NCAPG2: variants seen among roughly 807,000 people sequenced by gnomAD.
NCAPG2 encodes condensin-2 complex subunit G2.
Under a neutral mutation model 141.1 loss-of-function variants are expected in NCAPG2, and 53 were observed. The observed-to-expected ratio is 0.38, with a 90% CI of 0.30 to 0.47. NCAPG2 has a LOEUF of 0.47. Ranked by LOEUF, NCAPG2 falls within the 20% of genes least tolerant of loss-of-function variation. The pLI, the probability that NCAPG2 is intolerant of heterozygous loss-of-function variation, is 0.99. For synonymous variants in NCAPG2, 499 were observed against 490.7 expected, an observed-to-expected ratio of 1.02 and a Z score of -0.22; for missense variants, 1,087 against 1,389.0, an observed-to-expected ratio of 0.78 and a Z score of 3.46.
Position 158,631,730 on chromosome 7 carries a change from T to TA in NCAPG2, c.3381-14dup. 1 of 1,572,876 alleles carries TA rather than the reference T, an allele frequency of 6.4e-7. No homozygotes were observed. Among genetic ancestry groups the TA allele is most frequent in the Non-Finnish European group, 8.7e-7 (1 of 1,146,102 alleles). On this transcript the variant is annotated splice_polypyrimidine_tract_variant and intron_variant, in intron 27 of 27. Transcript: ENST00000356309. ...TTCATAGAGAAATCTGAAACACAAATAAAGAAATATTTAGCTACAGAAAAA... is the reference window on the plus strand; with the variant it reads ...TTCATAGAGAAATCTGAAACACAAATAAAAGAAATATTTAGCTACAGAAAAA...
At chr7:158,677,525 C>CAAAAAA in intron 11 of NCAPG2, among the ~76,000 whole-genome samples, 15 of 90,402 alleles carry the variant, frequency 1.7e-4, no homozygotes, top group Non-Finnish European at 2.4e-4. Flanking sequence ...AAAAATAAAG[C>CAAAAAA]AAAAAAAAAA....
intron 6 of NCAPG2, among the ~76,000 whole-genome samples, 159 bp from the exon 7 acceptor site, chr7:158,687,601 G>A (rs12532034): frequency 0.9 from 137,122 of 152,290 alleles, 61,804 homozygotes; most frequent in Admixed American, 0.94. Flanking sequence ...TGAGCTGTCT[G>A]CGGGGCCTGC....
chr7:158,666,323 G>C (rs573297181), intron 13 of NCAPG2, among the ~76,000 whole-genome samples: 1 of 152,254 alleles, frequency 6.6e-6, no homozygotes, highest in South Asian at 2.1e-4. Flanking sequence ...GGTTACTTCT[G>C]ACAGCGAGGT....
Position 158,631,609 on chromosome 7 carries a change from G to T in NCAPG2, c.*57C>A. ...TTAAAAACAATAGGAAAATACACAG[G>T]CATTTCAATTTGAATCACTTTTCCC... On this transcript the variant is annotated 3_prime_UTR_variant, in exon 28 of 28. Coordinates refer to ENST00000356309, the MANE Select transcript of NCAPG2 (RefSeq NM_017760.7). 7.2e-7 allele frequency: 1 copy of T among 1,380,658 alleles called. No homozygotes were observed. Among genetic ancestry groups the T allele is most frequent in the Non-Finnish European group, 1.0e-6 (1 of 970,680 alleles). The allele number at this position is 1,380,658 out of a possible 1,614,324, so 85.5% of individuals were successfully genotyped here. A position where few individuals can be genotyped will look rare whatever the true frequency, so the allele number is the denominator to read the frequency against.
At chr7:158,687,258 C>A (rs765870890) in intron 7 of NCAPG2, 90 bp downstream of exon 7, 4 of 790,620 alleles carry the variant, frequency 5.1e-6, no homozygotes, top group Non-Finnish European at 8.1e-6. Context: ...AGCTTCTAAT[C>A]CATTACTATA....
At chr7:158,666,379 T>C (rs2129460775) in intron 13 of NCAPG2, among the ~76,000 whole-genome samples, 1 of 152,220 alleles carries the variant, frequency 6.6e-6, no homozygotes, top group Middle Eastern at 3.4e-3. Context: ...GTGACAGTGC[T>C]GTTGGCAACC....
intron 27 of NCAPG2, among the ~76,000 whole-genome samples, chr7:158,639,473 A>G (rs897464813): frequency 5.3e-5 from 8 of 152,334 alleles, no homozygotes; most frequent in East Asian, 1.9e-4. Context: ...TTCCATATGT[A>G]TATCTCAATG....
In NCAPG2 at chr7:158,671,666, A is replaced by C. The variant is rs980387961; in HGVS notation, c.1327T>G (p.Cys443Gly). ...SADVRCSVFK[C>G]LPMILDNKLS... ...TTGTTGTCCAAAATCATTGGCAGAC[A>C]CTGCAACAGAGAGAAAGATAAACAA... is the stretch of plus-strand genomic sequence containing the variant. The change falls in exon 13 of 28, where the codon TGT becomes GGT. Residue 443 changes from cysteine (C) to glycine (G), a missense_variant and splice_region_variant. Transcript: ENST00000356309. The C allele has an allele frequency of 1.2e-5, 19 of 1,613,792 alleles. No homozygotes were observed. The highest frequency in any genetic ancestry group is 1.7e-5 in the Admixed American group (1 of 59,952).
chr7:158,668,902 C>G (rs1403117011), intron 13 of NCAPG2, among the ~76,000 whole-genome samples: 1 of 152,164 alleles, frequency 6.6e-6, no homozygotes, highest in Non-Finnish European at 1.5e-5. Context: ...GCCATTATTC[C>G]TGATGCTCTC....
chr7:158,692,803 C>T, intron 4 of NCAPG2, 39 bp downstream of exon 4: 5 of 1,114,676 alleles, frequency 4.5e-6, no homozygotes, highest in Non-Finnish European at 5.3e-6. Context: ...ATTTCAACAC[C>T]CACTTCTAAA....
chr7:158,660,352 A>G (rs1832383608), intron 16 of NCAPG2, among the ~76,000 whole-genome samples: 1 of 140,840 alleles, frequency 7.1e-6, no homozygotes, highest in Non-Finnish European at 1.5e-5. Context: ...TTCTGTTCAT[A>G]TTCTGAAATA....
chr7:158,667,206 G>T (rs538771222), intron 13 of NCAPG2: 39 of 985,434 alleles, frequency 4.0e-5, no homozygotes, highest in East Asian at 1.1e-4. Context: ...AAACGCAAAC[G>T]TTCTGCCTTC....
chr7:158,656,175 G>A (rs2129459190), intron 19 of NCAPG2, 85 bp downstream of exon 19: 1 of 1,466,056 alleles, frequency 6.8e-7, no homozygotes, highest in Non-Finnish European at 9.4e-7. Context: ...CACTTGTATA[G>A]CACTGTAAAT....
intron 21 of NCAPG2, 116 bp from the exon 22 acceptor site, chr7:158,654,810 A>G (rs1029726551): frequency 4.3e-5 from 62 of 1,432,530 alleles, no homozygotes; most frequent in Non-Finnish European, 5.3e-5. Flanking sequence ...AGATTTTTAT[A>G]AAGATGTTTT....
At chr7:158,631,740 T>C (rs1829903531) in intron 27 of NCAPG2, 23 bp from the exon 28 acceptor site, 1 of 1,551,874 alleles carries the variant, frequency 6.4e-7, no homozygotes, top group Non-Finnish European at 8.9e-7. Flanking sequence ...TAAAGAAATA[T>C]TTAGCTACAG....
chr7:158,640,479 A>T (rs1563492319), intron 27 of NCAPG2: 1 of 152,160 alleles, frequency 6.6e-6, no homozygotes. Flanking sequence ...GTTGCAGTGA[A>T]CTGAGATCAC....
rs1026974486 is a variant in NCAPG2 at position 158,678,979 on chromosome 7, G to A, written c.1146+981C>T. ...CTCCCAAGTAGCTGGGACCACAGGC[G>A]TGTGCCACCACACCGGGCTGTTTTT... On this transcript the variant is annotated intron_variant, in intron 11 of 27. Transcript: ENST00000356309. 7.2e-5 allele frequency among the ~76,000 whole-genome samples: 11 copies of A among 152,250 alleles called. No homozygotes were observed. The East Asian group carries it at 7.7e-4, about 11-fold the overall frequency.
At chr7:158,636,591 G>A (rs950108185) in intron 27 of NCAPG2, among the ~76,000 whole-genome samples, 1 of 151,742 alleles carries the variant, frequency 6.6e-6, no homozygotes, top group Non-Finnish European at 1.5e-5. Flanking sequence ...TAGTAGAGAC[G>A]GGGTTTCTCC....
At chr7:158,637,855 G>T (rs1361631032) in intron 27 of NCAPG2, among the ~76,000 whole-genome samples, 1 of 152,026 alleles carries the variant, frequency 6.6e-6, no homozygotes, top group Non-Finnish European at 1.5e-5. Flanking sequence ...AAAAATCCCT[G>T]ACACTTGGCT....
Sources: gnomAD v4.1 joint callset for allele counts (sites outside exome capture counted in the v4.1 genomes callset) on GRCh38, gnomAD v4.1.1 for gene constraint, MANE v1.5 for transcripts, NCBI Gene and HGNC (gene_info 2026-07-23, HGNC 2026-07-21) for gene names.